Variants in LEPROT observed in about 807,000 individuals in gnomAD.
The protein encoded by LEPROT is leptin receptor gene-related protein.
Under a neutral mutation model 15.4 loss-of-function variants are expected in LEPROT, and 3 were observed. That is an observed-to-expected ratio of 0.19 (90% CI 0.09 to 0.50). The LOEUF (loss-of-function observed/expected upper bound fraction) is 0.50. Ranked by LOEUF, LEPROT falls within the 20% of genes least tolerant of loss-of-function variation. LEPROT has a pLI of 0.97. For synonymous variants in LEPROT, 59 were observed against 57.5 expected, an observed-to-expected ratio of 1.03 and a Z score of -0.12; for missense variants, 137 against 162.2, an observed-to-expected ratio of 0.84 and a Z score of 0.84.
chr1:65,423,688 T>C (rs1399118234), intron 1 of LEPROT, among the ~76,000 whole-genome samples: 5 of 152,212 alleles, frequency 3.3e-5, no homozygotes, highest in African/African-American at 1.2e-4. Flanking sequence ...AGATGTTTTT[T>C]AAAAAGCACT....
Position 65,433,993 on chromosome 1 carries a change from G to C in LEPROT, c.*2074G>C. The stretch of plus-strand genomic sequence containing the variant: ...TGCAATAGCTTTTCTTTCTAAGATG[G>C]CAATAATGATTCATTTCTACTACAT... On this transcript the variant is annotated 3_prime_UTR_variant, in exon 4 of 4. Transcript: ENST00000371065. 1 of 985,176 alleles carries C rather than the reference G, an allele frequency of 1.0e-6. No individual in the cohort carries two copies. Among genetic ancestry groups the C allele is most frequent in the Non-Finnish European group, 1.2e-6 (1 of 829,796 alleles). 61.0% of individuals were successfully genotyped at this position (985,176 alleles called of 1,614,324 possible). A position where few individuals can be genotyped will look rare whatever the true frequency, so the allele number is the denominator to read the frequency against.
intron 3 of LEPROT, 30 bp downstream of exon 3, chr1:65,430,078 A>T: frequency 6.6e-7 from 1 of 1,519,462 alleles, no homozygotes; most frequent in African/African-American, 1.4e-5. Flanking sequence ...GTTTTGCCCA[A>T]CCGTTGCTGA....
chr1:65,421,219 G>A, intron 1 of LEPROT: 1 of 1,176,984 alleles, frequency 8.5e-7, no homozygotes, highest in Non-Finnish European at 1.2e-6. Context: ...ACCGCGGGCG[G>A]GTGTCAATGG....
rs1311305122 is a variant in LEPROT at position 65,431,824 on chromosome 1, C to G, written c.301C>G (p.Leu101Val). 2 of 1,613,652 alleles carry G rather than the reference C, an allele frequency of 1.2e-6. No homozygotes were observed. The highest frequency in any genetic ancestry group is 2.7e-5 in the African/African-American group (2 of 74,880). ...VAVIKWGACG[L>V]VLAGNAVIFL... ...TCAGATCAAATGGGGAGCCTGCGGC[C>G]TTGTGTTGGCAGGCAATGCAGTCAT... Residue 101 changes from leucine (L) to valine (V), a missense_variant, in exon 4 of 4, where the codon CTT (leucine) becomes GTT (valine). Leu to Val is a conservative substitution (Grantham distance 32, BLOSUM62 1). Transcript: ENST00000371065.
At chr1:65,426,476 G>A (rs778725358) in intron 2 of LEPROT, among the ~76,000 whole-genome samples, 16 of 152,156 alleles carry the variant, frequency 1.1e-4, no homozygotes, top group South Asian at 2.1e-4. Context: ...TTGCCATAAC[G>A]TGAGACTAGA....
intron 1 of LEPROT, 28 bp from the exon 2 acceptor site, chr1:65,425,275 C>T (rs1646338416): frequency 1.2e-6 from 2 of 1,608,538 alleles, no homozygotes. Flanking sequence ...ACTGTGGGAA[C>T]TTTAACTTTT....
At chr1:65,427,741 A>G (rs907422617) in intron 2 of LEPROT, 14 of 382,058 alleles carry the variant, frequency 3.7e-5, no homozygotes, top group African/African-American at 2.8e-4. Context: ...TACTACAAAT[A>G]AGTTTGTTTT....
chr1:65,430,942 T>C (rs1378442300), intron 3 of LEPROT, among the ~76,000 whole-genome samples: 1 of 152,174 alleles, frequency 6.6e-6, no homozygotes, highest in Admixed American at 6.5e-5. Flanking sequence ...ATGGCTGTTG[T>C]ATGGAATGAC....
At position 65,434,705 on chromosome 1, in the gene LEPROT, T is replaced by G. The variant is rs1276113641; in HGVS notation, c.*2786T>G. On this transcript the variant is annotated 3_prime_UTR_variant, in exon 4 of 4. Transcript: ENST00000371065. Reference sequence around the variant, plus strand: ...TCTCCTTTTAATTTTTCCACTCATTTTCACCTCCTAATGCCCTTGAGATCC... The same window carrying G: ...TCTCCTTTTAATTTTTCCACTCATTGTCACCTCCTAATGCCCTTGAGATCC... The G allele has an allele frequency of 1.0e-5, 10 of 985,330 alleles. No homozygotes were observed. In the Admixed American group the frequency reaches 5.5e-4, roughly 55 times the overall value. 61.0% of individuals were successfully genotyped at this position (985,330 alleles called of 1,614,324 possible).
At chr1:65,420,778 G>T (rs1368224884) in intron 1 of LEPROT, 38 bp downstream of exon 1, 3 of 1,568,902 alleles carry the variant, frequency 1.9e-6, no homozygotes, top group Admixed American at 3.9e-5. Context: ...CGTGTGGTGG[G>T]GTTGCCACCT....
In LEPROT at chr1:65,429,873, C is replaced by T; in HGVS notation, c.104C>T (p.Pro35Leu). The change falls in exon 3 of 4, where the codon CCC becomes CTC. Residue 35 changes from proline (P) to leucine (L), a missense_variant. Physicochemically the swap from Pro to Leu is moderately conservative, Grantham distance 98. Coordinates refer to ENST00000371065, the MANE Select transcript of LEPROT (RefSeq NM_017526.5). ...CALEDYGVYW[P>L]LFVLIFHAIS... Reference sequence around the variant, plus strand: ...GGTCCAACTGACAGCGTTTACTGGCCCTTATTCGTCCTGATTTTCCACGCC... The same window carrying T: ...GGTCCAACTGACAGCGTTTACTGGCTCTTATTCGTCCTGATTTTCCACGCC... 6.7e-7 allele frequency: 1 copy of T among 1,493,414 alleles called. No homozygotes were observed. The highest frequency in any genetic ancestry group is 9.1e-7 in the Non-Finnish European group (1 of 1,102,746). 92.5% of individuals were successfully genotyped at this position (1,493,414 alleles called of 1,614,324 possible).
intron 1 of LEPROT, chr1:65,421,243 A>G (rs1007879156): frequency 4.3e-6 from 6 of 1,383,620 alleles, no homozygotes; most frequent in Admixed American, 2.8e-5. Context: ...GCACCCAGAA[A>G]GACGGTGTTT....
rs368876775 is a variant in LEPROT at position 65,430,011 on chromosome 1, C to T, written c.242C>T (p.Ala81Val). Residue 81 changes from alanine to valine, a missense_variant, in exon 3 of 4, where the codon GCC becomes GTC. Transcript: ENST00000371065. ...YFFTTGIVVSAFGFPVILARV... is the reference protein window; with the variant it reads ...YFFTTGIVVSVFGFPVILARV... ...TTCACTACTGGAATTGTTGTTTCTG[C>T]CTTTGGATTTCCTGTTATTCTTGCT... The T allele has an allele frequency of 5.1e-6, 8 of 1,566,968 alleles. No individual in the cohort carries two copies. Among genetic ancestry groups the T allele is most frequent in the Non-Finnish European group, 6.1e-6 (7 of 1,144,716 alleles).
In LEPROT at chr1:65,435,569, G is replaced by C. The variant is rs567575021; in HGVS notation, c.*3650G>C. The C allele has an allele frequency of 2.0e-6, 1 of 497,420 alleles. No homozygotes were observed. The highest frequency in any genetic ancestry group is 6.4e-5 in the Admixed American group (1 of 15,668). 30.8% of individuals were successfully genotyped at this position (497,420 alleles called of 1,614,324 possible). A position where few individuals can be genotyped will look rare whatever the true frequency, so the allele number is the denominator to read the frequency against. ...ATTTTTAGTAAAGACGGGTTTCATC[G>C]TGTTAGCCAGGATGGTCTCGATCTC... On this transcript the variant is annotated 3_prime_UTR_variant, in exon 4 of 4. Transcript: ENST00000371065.
chr1:65,433,232 C>A lies in LEPROT; in HGVS notation c.*1313C>A. ...CTTCTCTACGGCTCTGGCTTCTTCC[C>A]GAAGAGATATAGGAGCCATGTAAGC... On this transcript the variant is annotated 3_prime_UTR_variant, in exon 4 of 4. Coordinates refer to ENST00000371065, the MANE Select transcript of LEPROT (RefSeq NM_017526.5). 1.0e-6 allele frequency: 1 copy of A among 985,346 alleles called. No homozygotes were observed. The highest frequency in any genetic ancestry group is 1.2e-6 in the Non-Finnish European group (1 of 829,934). The allele number at this position is 985,346 out of a possible 1,614,324, so 61.0% of individuals were successfully genotyped here. A position where few individuals can be genotyped will look rare whatever the true frequency, so the allele number is the denominator to read the frequency against.
At chr1:65,425,809 T>A (rs1646351095) in intron 2 of LEPROT, among the ~76,000 whole-genome samples, 1 of 152,190 alleles carries the variant, frequency 6.6e-6, no homozygotes, top group African/African-American at 2.4e-5. Flanking sequence ...AGGTTGTATC[T>A]GAGCCAAGAC....
Position 65,425,316 on chromosome 1 carries a change from A to G in LEPROT, c.30A>G (p.Leu10=). 1 of 1,612,046 alleles carries G rather than the reference A, an allele frequency of 6.2e-7. No individual in the cohort carries two copies. Among genetic ancestry groups the G allele is most frequent in the Non-Finnish European group, 8.5e-7 (1 of 1,179,476 alleles). The change falls in exon 2 of 4, where the codon TTA becomes TTG. Residue 10 remains leucine, a synonymous_variant. Coordinates refer to ENST00000371065, the MANE Select transcript of LEPROT (RefSeq NM_017526.5). MAGVKALVA[L]SFSGAIGLTF... ...TATTTTTCACAGCTCTCGTGGCATT[A>G]TCCTTCAGTGGGGCTATTGGACTGA...
intron 1 of LEPROT, among the ~76,000 whole-genome samples, chr1:65,421,073 C>G (rs1570405043): frequency 6.6e-6 from 1 of 152,230 alleles, no homozygotes; most frequent in Non-Finnish European, 1.5e-5. Context: ...TTGACGCCAC[C>G]CTAACGCCTT....
Position 65,434,101 on chromosome 1 carries a change from G to T in LEPROT, c.*2182G>T. ...ATGTAGCCTTAAAGCATTACCTCTT[G>T]ATTGTATCTTTAGATTGATATAAAG... On this transcript the variant is annotated 3_prime_UTR_variant, in exon 4 of 4. Coordinates refer to ENST00000371065, the MANE Select transcript of LEPROT (RefSeq NM_017526.5). 1 of 984,732 alleles carries T rather than the reference G, an allele frequency of 1.0e-6. No individual in the cohort carries two copies. The highest frequency in any genetic ancestry group is 1.2e-6 in the Non-Finnish European group (1 of 829,368). 61.0% of individuals were successfully genotyped at this position (984,732 alleles called of 1,614,324 possible).
Sources: allele counts gnomAD v4.1 joint callset (sites outside exome capture counted in the v4.1 genomes callset), GRCh38; gene constraint gnomAD v4.1.1; transcripts MANE v1.5; gene names NCBI Gene and HGNC (gene_info 2026-07-23, HGNC 2026-07-21).